ASTN2: variants seen among roughly 807,000 people sequenced by gnomAD.
The protein encoded by ASTN2 is astrotactin-2.
In ASTN2, 54 loss-of-function variants were observed where a neutral mutation model predicts 139.8. The observed-to-expected ratio is 0.39, with a 90% confidence interval of 0.31 to 0.48. The LOEUF (loss-of-function observed/expected upper bound fraction) is 0.48. Among genes scored for constraint, ASTN2 ranks in the 20% least tolerant of loss-of-function variants. The pLI is 0.95. For missense variants in ASTN2, 1,565 were observed against 1,725.1 expected (o/e 0.91, Z 1.64); for synonymous variants, 756 against 719.5 (o/e 1.05, Z -0.81).
At chr9:116,549,677 G>GT (rs757309378) in intron 19 of ASTN2, among the ~76,000 whole-genome samples, 41 of 152,284 alleles carry the variant, frequency 2.7e-4, no homozygotes, top group Middle Eastern at 3.4e-3. Context: ...AGCAGACCCT[G>GT]TACTCCCAAC....
At chr9:117,388,151 G>A (rs184318984) in intron 1 of ASTN2, among the ~76,000 whole-genome samples, 1 of 152,270 alleles carries the variant, frequency 6.6e-6, no homozygotes, top group East Asian at 1.9e-4. Flanking sequence ...TGACAAAATA[G>A]GGATTTTGAA....
At chr9:117,130,748 C>T (rs531090144) in intron 4 of ASTN2, among the ~76,000 whole-genome samples, 3 of 152,294 alleles carry the variant, frequency 2.0e-5, no homozygotes, top group Non-Finnish European at 4.4e-5. Flanking sequence ...GCTATACACA[C>T]ACACATACAC....
At chr9:117,042,701 A>G (rs183981920) in intron 5 of ASTN2, among the ~76,000 whole-genome samples, 67 of 152,276 alleles carry the variant, frequency 4.4e-4, no homozygotes, top group African/African-American at 1.5e-3. Flanking sequence ...AGCATAAACA[A>G]TCTAACATCA....
At chr9:117,095,824 T>G (rs1242041720) in intron 5 of ASTN2, among the ~76,000 whole-genome samples, 1 of 152,172 alleles carries the variant, frequency 6.6e-6, no homozygotes, top group East Asian at 1.9e-4. Context: ...CAGTATTTTT[T>G]GAAGAATAAG....
chr9:116,676,272 T>C (rs1859492269), intron 16 of ASTN2, among the ~76,000 whole-genome samples: 4 of 152,202 alleles, frequency 2.6e-5, no homozygotes, highest in Admixed American at 2.0e-4. Flanking sequence ...AAACTATTTG[T>C]CTCCCCTGCA....
At chr9:116,762,259 C>T (rs1829691637) in intron 13 of ASTN2, among the ~76,000 whole-genome samples, 2 of 152,176 alleles carry the variant, frequency 1.3e-5, no homozygotes, top group South Asian at 4.1e-4. Flanking sequence ...GCCTCAAGGT[C>T]CTGGTTTTGC....
At chr9:117,187,567 T>C (rs1457882607) in intron 3 of ASTN2, among the ~76,000 whole-genome samples, 2 of 152,120 alleles carry the variant, frequency 1.3e-5, no homozygotes, top group Admixed American at 6.5e-5. Flanking sequence ...TAATGGGTTG[T>C]CATGAGAATA....
chr9:116,720,781 A>AGAAT (rs1319495701), intron 16 of ASTN2, among the ~76,000 whole-genome samples: 1 of 152,236 alleles, frequency 6.6e-6, no homozygotes, highest in African/African-American at 2.4e-5. Flanking sequence ...CCCTAAGTAG[A>AGAAT]GAATGACAGG....
rs1831256274 is a variant in ASTN2, at chr9:117,414,169, C to T, written c.442+328G>A. Among the ~76,000 whole-genome samples, 1 of 152,024 alleles carries T rather than the reference C, an allele frequency of 6.6e-6. No individual in the cohort carries two copies. Among genetic ancestry groups the T allele is most frequent in the Non-Finnish European group, 1.5e-5 (1 of 68,010 alleles). ...GGCTTAGGATCTGGGATGCTCCGGCCCCTAGCCAGAGCACCTTCAGTGAAT... is the reference window on the plus strand; with the variant it reads ...GGCTTAGGATCTGGGATGCTCCGGCTCCTAGCCAGAGCACCTTCAGTGAAT... On this transcript the variant is annotated intron_variant, in intron 1 of 22. Coordinates refer to ENST00000313400, the MANE Select transcript of ASTN2 (RefSeq NM_001365068.1). This position sits in a 1 kb window ranked among gnomAD's most constrained non-coding sequence, Gnocchi z 4.2.
At position 116,517,149 on chromosome 9, in the gene ASTN2, A is replaced by G. The variant is rs115456822; in HGVS notation, c.3356-29649T>C. Among the ~76,000 whole-genome samples, 570 of 152,210 alleles carry G rather than the reference A, an allele frequency of 3.7e-3. 4 individuals carry two copies. The highest frequency in any genetic ancestry group is 9.4e-3 in the African/African-American group (391 of 41,522). On this transcript the variant is annotated intron_variant, in intron 19 of 22. Coordinates refer to ENST00000313400, the MANE Select transcript of ASTN2 (RefSeq NM_001365068.1). ...CCTAGGGTAAGTCTGCATCCTCCCA[A>G]TAGGACCACAGCTGACACACTCTTG...
intron 19 of ASTN2, among the ~76,000 whole-genome samples, chr9:116,571,345 C>T (rs537321831): frequency 6.6e-5 from 10 of 152,336 alleles, no homozygotes; most frequent in Admixed American, 3.9e-4. Flanking sequence ...CTCCAGCCCT[C>T]CTTCCCTGGG....
At chr9:117,115,979 T>C (rs1449865509) in intron 4 of ASTN2, among the ~76,000 whole-genome samples, 1 of 150,192 alleles carries the variant, frequency 6.7e-6, no homozygotes, top group African/African-American at 2.5e-5. Context: ...GAGCTGAGAT[T>C]GTGCCACTGC....
At chr9:116,656,999 C>A (rs1241950840) in intron 16 of ASTN2, among the ~76,000 whole-genome samples, 1 of 152,156 alleles carries the variant, frequency 6.6e-6, no homozygotes. Flanking sequence ...AGGGGTGAGA[C>A]TTTTATATCA....
chr9:116,501,772 C>T (rs1316948063), intron 19 of ASTN2, among the ~76,000 whole-genome samples: 1 of 151,874 alleles, frequency 6.6e-6, no homozygotes, highest in Admixed American at 6.6e-5. Context: ...TTAGTGGGTG[C>T]AGCGCACCAG....
chr9:117,273,965 A>C (rs1304217071), intron 2 of ASTN2, among the ~76,000 whole-genome samples: 1 of 152,144 alleles, frequency 6.6e-6, no homozygotes, highest in Non-Finnish European at 1.5e-5. Flanking sequence ...CCTTCTGAGG[A>C]GTAGAAGATA....
chr9:116,992,981 C>T (rs999125582), intron 7 of ASTN2, among the ~76,000 whole-genome samples: 2 of 152,162 alleles, frequency 1.3e-5, no homozygotes, highest in African/African-American at 4.8e-5. Context: ...TCAGTCTTCC[C>T]CATCAGTCTC....
At chr9:116,701,799 T>G (rs931958033) in intron 16 of ASTN2, among the ~76,000 whole-genome samples, 1 of 152,168 alleles carries the variant, frequency 6.6e-6, no homozygotes, top group Non-Finnish European at 1.5e-5. Flanking sequence ...GTACAGTCGA[T>G]GTTTAATTAT....
rs1832948511 is a variant in ASTN2 at position 116,863,576 on chromosome 9, C to T, written c.2040+7G>A. 1 of 1,613,362 alleles carries T rather than the reference C, an allele frequency of 6.2e-7. No homozygotes were observed. Among genetic ancestry groups the T allele is most frequent in the African/African-American group, 1.3e-5 (1 of 74,906 alleles). On this transcript the variant is annotated splice_region_variant and intron_variant, in intron 11 of 22. Transcript: ENST00000313400. Reference sequence around the variant, plus strand: ...ACTGCCATGTTCCCGGGCCAATGGGCACTTACCACACATCCCGAGGAATCC... The same window carrying T: ...ACTGCCATGTTCCCGGGCCAATGGGTACTTACCACACATCCCGAGGAATCC...
At chr9:116,560,937 A>C (rs754402566) in intron 19 of ASTN2, among the ~76,000 whole-genome samples, 11 of 152,226 alleles carry the variant, frequency 7.2e-5, no homozygotes, top group Non-Finnish European at 1.3e-4. Context: ...CAGCCAGGAA[A>C]GTTTCCACAA....
Sources: gnomAD v4.1 joint callset for allele counts (sites outside exome capture counted in the v4.1 genomes callset) on GRCh38, gnomAD v4.1.1 for gene constraint, Gnocchi (gnomAD v3.1) non-coding constraint, MANE v1.5 for transcripts, NCBI Gene and HGNC (gene_info 2026-07-23, HGNC 2026-07-21) for gene names.